Variants in RPS6KC1 observed in about 807,000 individuals in gnomAD.
RPS6KC1 encodes the protein ribosomal protein S6 kinase C1.
Under a neutral mutation model 103.8 loss-of-function variants are expected in RPS6KC1, and 54 were observed. That is an observed-to-expected ratio of 0.52 (90% CI 0.42 to 0.65). The LOEUF is 0.65. Ranked by LOEUF, RPS6KC1 falls within the 30% of genes least tolerant of loss-of-function variation. The pLI, the probability that RPS6KC1 is intolerant of heterozygous loss-of-function variation, is 0.00. For synonymous variants in RPS6KC1, 439 were observed against 438.7 expected (o/e 1.00, Z -0.01); for missense variants, 1,151 against 1,253.8 (o/e 0.92, Z 1.24).
the RPS6KC1 span, among the ~76,000 whole-genome samples, chr1:213,803,240 C>CTTTTT: frequency 4.9e-5 from 5 of 101,380 alleles, no homozygotes; most frequent in African/African-American, 1.1e-4. Flanking sequence ...AAGGCAGTGG[C>CTTTTT]TTTTTTTTTT....
At chr1:213,267,013 C>T (rs1443738382) in intron 14 of RPS6KC1, among the ~76,000 whole-genome samples, 1 of 151,902 alleles carries the variant, frequency 6.6e-6, no homozygotes, top group African/African-American at 2.4e-5. Flanking sequence ...TCTCCCCTTC[C>T]TGCTTGGTCA....
At chr1:213,182,733 GAT>G (rs1033882381) in intron 8 of RPS6KC1, among the ~76,000 whole-genome samples, 1 of 148,436 alleles carries the variant, frequency 6.7e-6, no homozygotes, top group Non-Finnish European at 1.5e-5. Context: ...AATATAATGA[GAT>G]ATATATATGA....
the RPS6KC1 span, among the ~76,000 whole-genome samples, chr1:213,548,531 C>T: frequency 2.0e-5 from 3 of 152,116 alleles, no homozygotes; most frequent in Non-Finnish European, 2.9e-5. Context: ...CTTGGTGACG[C>T]ACACCTGTAG....
the RPS6KC1 span, among the ~76,000 whole-genome samples, chr1:213,351,033 T>G: frequency 1.3e-5 from 2 of 152,202 alleles, no homozygotes; most frequent in African/African-American, 4.8e-5. Context: ...ATGATTTTTA[T>G]ATTATTTAGA....
chr1:213,611,603 C>G, the RPS6KC1 span, among the ~76,000 whole-genome samples: 4 of 152,316 alleles, frequency 2.6e-5, no homozygotes, highest in African/African-American at 9.6e-5. Context: ...CTATGTCAAA[C>G]AAAGTTAAAC....
intron 6 of RPS6KC1, among the ~76,000 whole-genome samples, chr1:213,153,956 T>C (rs761292512): frequency 6.6e-6 from 1 of 152,240 alleles, no homozygotes; most frequent in Non-Finnish European, 1.5e-5. Context: ...CTAAGCTGTT[T>C]CTGCTTTAGG....
the RPS6KC1 span, among the ~76,000 whole-genome samples, chr1:213,696,790 C>G: frequency 4.0e-4 from 61 of 152,318 alleles, no homozygotes; most frequent in Non-Finnish European, 8.2e-4. Flanking sequence ...CACAGCACCT[C>G]TAGTCACCAA....
chr1:213,781,296 T>C, the RPS6KC1 span, among the ~76,000 whole-genome samples: 13 of 151,764 alleles, frequency 8.6e-5, no homozygotes, highest in Non-Finnish European at 1.6e-4. Flanking sequence ...GTGGATCACT[T>C]TATTTGAAGC....
chr1:213,325,592 C>A, the RPS6KC1 span, among the ~76,000 whole-genome samples: 1 of 152,176 alleles, frequency 6.6e-6, no homozygotes, highest in African/African-American at 2.4e-5. Flanking sequence ...TTCCCAACTG[C>A]CCTGGGGGGC....
the RPS6KC1 span, among the ~76,000 whole-genome samples, chr1:213,504,613 T>C: frequency 1.3e-5 from 2 of 152,216 alleles, no homozygotes; most frequent in African/African-American, 4.8e-5. Flanking sequence ...AGTCTGCACA[T>C]CTGAAAATGT....
At chr1:213,585,884 G>T in the RPS6KC1 span, among the ~76,000 whole-genome samples, 2 of 152,294 alleles carry the variant, frequency 1.3e-5, no homozygotes, top group Admixed American at 1.3e-4. Context: ...TAAGGGCCCA[G>T]GAGCTGTGTT....
At chr1:213,500,025 C>A in the RPS6KC1 span, among the ~76,000 whole-genome samples, 8,547 of 152,158 alleles carry the variant, frequency 0.056, 738 homozygotes, top group African/African-American at 0.19. Flanking sequence ...TTTATAAGGA[C>A]TATACACTTA....
At chr1:213,604,049 T>G in the RPS6KC1 span, among the ~76,000 whole-genome samples, 1 of 152,198 alleles carries the variant, frequency 6.6e-6, no homozygotes, top group African/African-American at 2.4e-5. Context: ...TTTGCTTCTT[T>G]TCATTAAGGA....
the RPS6KC1 span, among the ~76,000 whole-genome samples, chr1:213,756,789 T>C: frequency 6.6e-6 from 1 of 152,024 alleles, no homozygotes; most frequent in Admixed American, 6.6e-5. Flanking sequence ...GCTAATTTTT[T>C]TGTAGAGATC....
the RPS6KC1 span, among the ~76,000 whole-genome samples, chr1:213,846,672 A>C: frequency 6.6e-6 from 1 of 152,184 alleles, no homozygotes; most frequent in African/African-American, 2.4e-5. Context: ...GAGATCAGAG[A>C]CTAATATTTG....
intron 8 of RPS6KC1, chr1:213,205,197 A>G: frequency 3.1e-6 from 3 of 966,688 alleles, no homozygotes; most frequent in Non-Finnish European, 3.7e-6. Flanking sequence ...TTGCTATCAC[A>G]ATGTACTTTC....
chr1:213,670,700 G>A, the RPS6KC1 span, among the ~76,000 whole-genome samples: 1 of 152,176 alleles, frequency 6.6e-6, no homozygotes, highest in African/African-American at 2.4e-5. Flanking sequence ...TGACCTGGAA[G>A]CTGCAAAGTG....
chr1:213,407,129 T>A, the RPS6KC1 span, among the ~76,000 whole-genome samples: 1 of 152,086 alleles, frequency 6.6e-6, no homozygotes, highest in Non-Finnish European at 1.5e-5. Context: ...CAAGTGCCAG[T>A]GGTTGAATTC....
At chr1:213,402,683 T>G in the RPS6KC1 span, among the ~76,000 whole-genome samples, 1 of 152,088 alleles carries the variant, frequency 6.6e-6, no homozygotes, top group African/African-American at 2.4e-5. Context: ...ACGTATGATG[T>G]TGAATGAACA....
Sources: allele counts gnomAD v4.1 joint callset (sites outside exome capture counted in the v4.1 genomes callset), GRCh38; gene constraint gnomAD v4.1.1; transcripts MANE v1.5; gene names NCBI Gene and HGNC (gene_info 2026-07-23, HGNC 2026-07-21).